NPIPB4: variants seen among roughly 807,000 people sequenced by gnomAD.
NPIPB4 encodes nuclear pore complex-interacting protein family member B4.
For missense variants in NPIPB4, 105 were observed against 513.7 expected (o/e 0.20, Z 7.69); for synonymous variants, 31 against 194.1 (o/e 0.16, Z 6.99).
intron 2 of NPIPB4, chr16:21,851,313 G>A (rs1902507019): frequency 6.6e-6 from 1 of 151,456 alleles, no homozygotes; most frequent in Non-Finnish European, 1.1e-5. Context: ...GGAGGGGAAG[G>A]GGGGAAGTAA....
Position 21,834,716 on chromosome 16 carries a change from T to G in NPIPB4, c.*2A>C. 1.2e-5 allele frequency: 1 copy of G among 83,560 alleles called. No individual in the cohort carries two copies. Among genetic ancestry groups the G allele is most frequent in the Non-Finnish European group, 2.1e-5 (1 of 46,626 alleles). The allele number at this position is 83,560 out of a possible 1,614,324, so 5.2% of individuals were successfully genotyped here. A position where few individuals can be genotyped will look rare whatever the true frequency, so the allele number is the denominator to read the frequency against. The stretch of plus-strand genomic sequence containing the variant: ...CTCAGGCTTGAGTGCACTGGCCTCT[T>G]CTCAGCTCAACCTCCGCCTCTTGGG... On this transcript the variant is annotated 3_prime_UTR_variant, in exon 8 of 8. Coordinates refer to ENST00000682606, the MANE Select transcript of NPIPB4 (RefSeq NM_001384980.1).
In NPIPB4 at chr16:21,840,545, C is replaced by T. The variant is rs1035758919; in HGVS notation, c.546-1235G>A. 2.0e-5 allele frequency among the ~76,000 whole-genome samples: 3 copies of T among 150,338 alleles called. 1 individual carries two copies. The highest frequency in any genetic ancestry group is 7.3e-5 in the African/African-American group (3 of 41,070). On this transcript the variant is annotated intron_variant, in intron 5 of 7. Transcript: ENST00000682606. ...AAGATTCCCCCCTGCAACCTTCCCA[C>T]AAATGAACCAACTGATTCTCACAAC... is the stretch of plus-strand genomic sequence containing the variant.
chr16:21,840,282 A>G (rs1901653600), intron 5 of NPIPB4, among the ~76,000 whole-genome samples: 1 of 53,638 alleles, frequency 1.9e-5, no homozygotes, highest in South Asian at 9.9e-4. Context: ...ACAACACTCC[A>G]ATGGGCGTTT....
At chr16:21,853,625 ACT>A (rs1344548253) in intron 2 of NPIPB4, among the ~76,000 whole-genome samples, 1 of 69,172 alleles carries the variant, frequency 1.4e-5, no homozygotes, top group Non-Finnish European at 2.5e-5. Context: ...ATGGAATGAG[ACT>A]CTGTCTCAAA....
At chr16:21,850,005 T>TATCATTAAAAAAGA (rs1567444869) in intron 2 of NPIPB4, among the ~76,000 whole-genome samples, 1 of 50,418 alleles carries the variant, frequency 2.0e-5, no homozygotes, top group Non-Finnish European at 4.7e-5. Context: ...TTCACGCCTG[T>TATCATTAAAAAAGA]AATCCCAACG....
chr16:21,850,374 C>T (rs576065128), intron 2 of NPIPB4, among the ~76,000 whole-genome samples: 1 of 150,458 alleles, frequency 6.6e-6, no homozygotes, highest in South Asian at 2.1e-4. Context: ...ATATTTTGGC[C>T]AGGCGCGGTG....
rs201416502 is a variant in NPIPB4 at position 21,837,068 on chromosome 16, G to T, written c.1319C>A (p.Pro440His). Residue 440 changes from proline to histidine, a missense_variant, in exon 8 of 8, where the codon CCC (proline) becomes CAC (histidine). Pro to His is a moderately conservative substitution (Grantham distance 77). Coordinates refer to ENST00000682606, the MANE Select transcript of NPIPB4 (RefSeq NM_001384980.1). Reference sequence around the variant, plus strand: ...ATCATCTGCTGAGGGTGGAGCTGAGGGTGGAAGGGGAGTGAGCTGACGCTC... The same window carrying T: ...ATCATCTGCTGAGGGTGGAGCTGAGTGTGGAAGGGGAGTGAGCTGACGCTC... ...PSERQLTPLPPSAPPSADDNI... is the reference protein window; with the variant it reads ...PSERQLTPLPHSAPPSADDNI... 17 of 207,728 alleles carry T rather than the reference G, an allele frequency of 8.2e-5. No individual in the cohort carries two copies. In the African/African-American group the frequency reaches 2.5e-3, roughly 30 times the overall value. The allele number at this position is 207,728 out of a possible 1,614,324, so 12.9% of individuals were successfully genotyped here.
intron 2 of NPIPB4, among the ~76,000 whole-genome samples, chr16:21,850,219 C>A (rs1166930753): frequency 7.0e-6 from 1 of 142,880 alleles, no homozygotes; most frequent in Non-Finnish European, 1.6e-5. Flanking sequence ...TGATATTGCC[C>A]CATTGCACTC....
intron 5 of NPIPB4, among the ~76,000 whole-genome samples, chr16:21,840,558 T>A: frequency 6.7e-6 from 1 of 149,996 alleles, no homozygotes; most frequent in East Asian, 2.0e-4. Context: ...ATGAACCAAC[T>A]GATTCTCACA....
At chr16:21,841,915 C>G (rs1457263837) in intron 5 of NPIPB4, among the ~76,000 whole-genome samples, 1 of 151,530 alleles carries the variant, frequency 6.6e-6, no homozygotes, top group Non-Finnish European at 1.5e-5. Context: ...TACTGAAGTC[C>G]GCTGGCTCTG....
At chr16:21,843,197 G>T in intron 5 of NPIPB4, among the ~76,000 whole-genome samples, 189 bp downstream of exon 5, 1 of 126,768 alleles carries the variant, frequency 7.9e-6, no homozygotes, top group Non-Finnish European at 1.7e-5. Flanking sequence ...CCGAAAAAAT[G>T]AAAACAAGAA....
In NPIPB4 at chr16:21,850,409, G is replaced by A. The variant is rs1597918760; in HGVS notation, c.121-2868C>T. ...GGCTCACGCCTGTAATCCCAGCACT[G>A]GGAGGCTGAGGCAGGCAGATCACGA... On this transcript the variant is annotated intron_variant, in intron 2 of 7. Coordinates refer to ENST00000682606, the MANE Select transcript of NPIPB4 (RefSeq NM_001384980.1). 9.2e-5 allele frequency among the ~76,000 whole-genome samples: 14 copies of A among 151,810 alleles called. No homozygotes were observed. The South Asian group carries it at 2.5e-3, about 27-fold the overall frequency.
intron 5 of NPIPB4, chr16:21,840,746 T>TTGACA (rs1901698964): frequency 2.7e-6 from 1 of 375,450 alleles, no homozygotes; most frequent in African/African-American, 2.3e-5. Flanking sequence ...GTCTCTGGGG[T>TTGACA]CAGTCTTGTG....
chr16:21,837,358 G>A lies in NPIPB4; in HGVS notation c.1029C>T (p.Pro343=), dbSNP rs562361291. 871 of 1,341,966 alleles carry A rather than the reference G, an allele frequency of 6.5e-4. 168 individuals are homozygous for A. The highest frequency in any genetic ancestry group is 7.8e-4 in the Non-Finnish European group (834 of 1,068,538). The allele number at this position is 1,341,966 out of a possible 1,614,324, so 83.1% of individuals were successfully genotyped here. Residue 343 remains proline (P), a synonymous_variant, in exon 8 of 8, where the codon CCC becomes CCT. Coordinates refer to ENST00000682606, the MANE Select transcript of NPIPB4 (RefSeq NM_001384980.1). The stretch of plus-strand genomic sequence containing the variant: ...GTGGAAGGGGAGTGAGCAGACACTC[G>A]GGAGGTGTCTTGAGTTTATCATCCG... ...PSADDKLKTP[P]ECLLTPLPPS...
chr16:21,849,601 CTGAG>C (rs1483946067), intron 2 of NPIPB4, among the ~76,000 whole-genome samples: 2 of 40,028 alleles, frequency 5.0e-5, no homozygotes, highest in African/African-American at 1.6e-4. Context: ...AAGACTTCCC[CTGAG>C]TAAGTTCAGA....
intron 2 of NPIPB4, among the ~76,000 whole-genome samples, chr16:21,850,762 A>T (rs1879026161): frequency 2.4e-5 from 2 of 81,660 alleles, no homozygotes; most frequent in African/African-American, 5.6e-5. Flanking sequence ...CTTTGTTAAA[A>T]ACAAGAGTGC....
chr16:21,837,327 C>G lies in NPIPB4; in HGVS notation c.1060G>C (p.Ala354Pro). The change falls in exon 8 of 8, where the codon GCT becomes CCT. Residue 354 changes from alanine to proline, a missense_variant. By Grantham distance (27) the Ala-to-Pro change is conservative (BLOSUM62 -1). Transcript: ENST00000682606. ...GCTGAGGGTGGAGCTGAGGGTAGAG[C>G]TGAGGGTGGAAGGGGAGTGAGCAGA... ...ECLLTPLPPS[A>P]LPSAPPSADD... is the part of the protein sequence containing the mutation. The G allele has an allele frequency of 1.5e-6, 2 of 1,320,824 alleles. No individual in the cohort carries two copies. Among genetic ancestry groups the G allele is most frequent in the Non-Finnish European group, 1.9e-6 (2 of 1,052,428 alleles). 81.8% of individuals were successfully genotyped at this position (1,320,824 alleles called of 1,614,324 possible).
chr16:21,835,964 A>C lies in NPIPB4; in HGVS notation c.2423T>G (p.Leu808Arg). 2 of 548,630 alleles carry C rather than the reference A, an allele frequency of 3.6e-6. No homozygotes were observed. Among genetic ancestry groups the C allele is most frequent in the South Asian group, 1.8e-5 (1 of 55,948 alleles). 34.0% of individuals were successfully genotyped at this position (548,630 alleles called of 1,614,324 possible). A position where few individuals can be genotyped will look rare whatever the true frequency, so the allele number is the denominator to read the frequency against. The change falls in exon 8 of 8, where the codon CTC becomes CGC. Residue 808 changes from leucine (L) to arginine (R), a missense_variant. Physicochemically the swap from Leu to Arg is moderately radical, Grantham distance 102 (BLOSUM62 -2). Transcript: ENST00000682606. Reference sequence around the variant, plus strand: ...AGGGTGGAGCTGAGTGTGGAAGGGGAGTGAGCTGACGCTCGGAAGGTGTCT... The same window carrying C: ...AGGGTGGAGCTGAGTGTGGAAGGGGCGTGAGCTGACGCTCGGAAGGTGTCT... ...ISRHLPSVSS[L>R]PFHTQLHPQQ...
Position 21,850,492 on chromosome 16 carries a change from C to T in NPIPB4, c.121-2951G>A, listed in dbSNP as rs1315108207. Reference sequence around the variant, plus strand: ...GGTGAAACCCCATCTCTACTAAAAACACAAAAATTAGCCAGGCGTGGTGGT... The same window carrying T: ...GGTGAAACCCCATCTCTACTAAAAATACAAAAATTAGCCAGGCGTGGTGGT... On this transcript the variant is annotated intron_variant, in intron 2 of 7. Transcript: ENST00000682606. Among the ~76,000 whole-genome samples, 7 of 151,298 alleles carry T rather than the reference C, an allele frequency of 4.6e-5. No homozygotes were observed. In the South Asian group the frequency reaches 8.5e-4, roughly 18 times the overall value.
Sources: allele counts gnomAD v4.1 joint callset (sites outside exome capture counted in the v4.1 genomes callset), GRCh38; gene constraint gnomAD v4.1.1; transcripts MANE v1.5; gene names NCBI Gene and HGNC (gene_info 2026-07-23, HGNC 2026-07-21).